WDR7: variants seen among roughly 807,000 people sequenced by gnomAD.
WDR7 encodes WD repeat-containing protein 7.
Under a neutral mutation model 169.4 loss-of-function variants are expected in WDR7, and 46 were observed. The ratio of observed to expected loss-of-function variants is 0.27; its 90% confidence interval spans 0.21 to 0.35. The LOEUF (loss-of-function observed/expected upper bound fraction) is 0.35. Ranked by LOEUF, WDR7 falls within the 10% of genes least tolerant of loss-of-function variation. WDR7 has a pLI of 1.00. For missense variants in WDR7, 1,534 were observed against 1,859.3 expected (o/e 0.83, Z 3.22); for synonymous variants, 612 against 666.8 (o/e 0.92, Z 1.27).
intron 20 of WDR7, among the ~76,000 whole-genome samples, chr18:56,847,338 G>C (rs1348258540): frequency 1.3e-5 from 2 of 152,144 alleles, no homozygotes; most frequent in Admixed American, 1.3e-4. Flanking sequence ...TGGCCTGGCT[G>C]CTTCTAACAG....
chr18:56,891,859 AT>A (rs1408864840), intron 21 of WDR7, among the ~76,000 whole-genome samples: 1 of 152,044 alleles, frequency 6.6e-6, no homozygotes, highest in Admixed American at 6.6e-5. Flanking sequence ...TATTTTTGTA[AT>A]TATTTATGTT....
chr18:56,884,321 A>G (rs1187389668), intron 21 of WDR7, among the ~76,000 whole-genome samples: 3 of 152,030 alleles, frequency 2.0e-5, no homozygotes, highest in Non-Finnish European at 2.9e-5. Context: ...AAAATTGTCT[A>G]TTCATGTCCT....
intron 20 of WDR7, among the ~76,000 whole-genome samples, chr18:56,838,816 ATTTT>A (rs1339636453): frequency 2.0e-5 from 3 of 152,110 alleles, no homozygotes; most frequent in African/African-American, 7.2e-5. Flanking sequence ...CATCAACATC[ATTTT>A]TAAGGGTTTG....
intron 26 of WDR7, among the ~76,000 whole-genome samples, chr18:56,991,143 ATTTTTT>A (rs60092817): frequency 4.5e-5 from 5 of 110,734 alleles, no homozygotes; most frequent in African/African-American, 1.9e-4. Context: ...CCTTCTCCTC[ATTTTTT>A]TTTTTTTTTT....
chr18:56,860,404 C>T (rs945748005), intron 20 of WDR7, among the ~76,000 whole-genome samples: 2 of 152,082 alleles, frequency 1.3e-5, no homozygotes, highest in African/African-American at 4.8e-5. Context: ...TTTTACCATC[C>T]TTAAATTTGA....
intron 26 of WDR7, among the ~76,000 whole-genome samples, chr18:56,992,955 T>A (rs1382002625): frequency 6.6e-6 from 1 of 152,196 alleles, no homozygotes; most frequent in African/African-American, 2.4e-5. Context: ...TAGATAATGA[T>A]CCTTGCTGAT....
rs1598968852 is a variant in WDR7, at chr18:56,696,528, G to A, written c.1578+66G>A. On this transcript the variant is annotated intron_variant, in intron 12 of 27. Coordinates refer to ENST00000254442, the MANE Select transcript of WDR7 (RefSeq NM_015285.3). ...GCCAAGTTATATTACTATCAGGAAT[G>A]TAAATGGAATCTAGACTAACTTAAA... The A allele has an allele frequency of 2.3e-6, 3 of 1,279,658 alleles. No homozygotes were observed. The East Asian group carries it at 7.0e-5, about 30-fold the overall frequency. 79.3% of individuals were successfully genotyped at this position (1,279,658 alleles called of 1,614,324 possible).
In WDR7 at chr18:56,756,967, G is replaced by C. The variant is rs142280347; in HGVS notation, c.2374G>C (p.Glu792Gln). 1.8e-4 allele frequency: 283 copies of C among 1,613,964 alleles called. No individual in the cohort carries two copies. The highest frequency in any genetic ancestry group is 2.2e-4 in the Non-Finnish European group (260 of 1,180,016). Residue 792 changes from glutamate (E) to glutamine (Q), a missense_variant, in exon 15 of 28, where the codon GAA becomes CAA. Glu to Gln is a conservative substitution (Grantham distance 29). Transcript: ENST00000254442. ...CAAATCAAAGCCATTGACCCTATTA[G>C]AATATAATTTAACTATGGACACTGC... Reference protein sequence around the residue: ...SSKSKPLTLLEYNLTMDTAKL... With the variant: ...SSKSKPLTLLQYNLTMDTAKL...
At chr18:56,830,676 A>AAGT (rs1427247146) in intron 20 of WDR7, among the ~76,000 whole-genome samples, 2 of 152,214 alleles carry the variant, frequency 1.3e-5, no homozygotes, top group African/African-American at 4.8e-5. Context: ...GCCCTTAAAC[A>AAGT]AGTGATCTTT....
chr18:56,917,450 G>A (rs115153421), intron 21 of WDR7, among the ~76,000 whole-genome samples: 404 of 152,262 alleles, frequency 2.7e-3, no homozygotes, highest in African/African-American at 9.1e-3. Context: ...TGTAGCGTGC[G>A]TTAATAAATT....
At chr18:56,797,646 G>C (rs1230385238) in intron 19 of WDR7, among the ~76,000 whole-genome samples, 1 of 151,996 alleles carries the variant, frequency 6.6e-6, no homozygotes, top group Non-Finnish European at 1.5e-5. Context: ...TCTGATTGGT[G>C]ATTATTCCTA....
chr18:56,767,948 G>A (rs918658240), intron 16 of WDR7, among the ~76,000 whole-genome samples: 3 of 152,092 alleles, frequency 2.0e-5, no homozygotes, highest in East Asian at 1.9e-4. Context: ...ATGGTGGGAC[G>A]ATTCAATATT....
In WDR7 at chr18:57,027,146, C is replaced by T; in HGVS notation, c.4412C>T (p.Thr1471Ile). The change falls in exon 28 of 28, where the codon ACT becomes ATT. Residue 1471 changes from threonine (T) to isoleucine (I), a missense_variant. Thr to Ile is a moderately conservative substitution (Grantham distance 89). Transcript: ENST00000254442. ...NALKLARLIW[T>I]SNRNVILMAH... Reference sequence around the variant, plus strand: ...CTCAAGCTGGCCCGGCTCATCTGGACTTCCAACCGCAACGTCATCCTCATG... The same window carrying T: ...CTCAAGCTGGCCCGGCTCATCTGGATTTCCAACCGCAACGTCATCCTCATG... 1 of 1,614,212 alleles carries T rather than the reference C, an allele frequency of 6.2e-7. No homozygotes were observed. The highest frequency in any genetic ancestry group is 8.5e-7 in the Non-Finnish European group (1 of 1,180,038).
At chr18:56,727,185 AATT>A (rs2026477037) in intron 13 of WDR7, among the ~76,000 whole-genome samples, 1 of 152,126 alleles carries the variant, frequency 6.6e-6, no homozygotes, top group Non-Finnish European at 1.5e-5. Flanking sequence ...TTTTTTTCCC[AATT>A]ATTTTACGTA....
chr18:56,720,226 C>T (rs1262619847), intron 13 of WDR7, among the ~76,000 whole-genome samples: 2 of 151,998 alleles, frequency 1.3e-5, no homozygotes, highest in African/African-American at 2.4e-5. Context: ...GGGAGTGGAT[C>T]GCTTGAGCCA....
chr18:56,709,062 A>C (rs967285870), intron 12 of WDR7, among the ~76,000 whole-genome samples: 2 of 152,266 alleles, frequency 1.3e-5, no homozygotes, highest in African/African-American at 4.8e-5. Context: ...TAATATTTTA[A>C]AGGCATGAAG....
At chr18:56,810,223 T>A (rs1273288700) in intron 19 of WDR7, among the ~76,000 whole-genome samples, 3 of 152,160 alleles carry the variant, frequency 2.0e-5, no homozygotes, top group Non-Finnish European at 4.4e-5. Context: ...ACCTATCAGA[T>A]TTTCCTTAAA....
Position 56,686,111 on chromosome 18 carries a change from C to A in WDR7, c.597+79C>A. On this transcript the variant is annotated intron_variant, in intron 6 of 27. Coordinates refer to ENST00000254442, the MANE Select transcript of WDR7 (RefSeq NM_015285.3). The stretch of plus-strand genomic sequence containing the variant: ...AATTTTAGTAATGATATGCCCCTTC[C>A]ATTTTTTTTAAGGGGGAAGGAAAAA... The A allele has an allele frequency of 2.5e-6, 3 of 1,182,194 alleles. 1 individual carries two copies. The highest frequency in any genetic ancestry group is 3.5e-6 in the Non-Finnish European group (3 of 851,572). 73.2% of individuals were successfully genotyped at this position (1,182,194 alleles called of 1,614,324 possible). A position where few individuals can be genotyped will look rare whatever the true frequency, so the allele number is the denominator to read the frequency against.
rs758845237 is a variant in WDR7, at chr18:57,027,405, G to T, written c.*198G>T. The stretch of plus-strand genomic sequence containing the variant: ...GTGCCATCTGTCGATTCAGAGGCAC[G>T]CACACATGCTCTGCAGGATGTGGCC... On this transcript the variant is annotated 3_prime_UTR_variant, in exon 28 of 28. Coordinates refer to ENST00000254442, the MANE Select transcript of WDR7 (RefSeq NM_015285.3). The T allele has an allele frequency of 1.1e-5, 7 of 642,744 alleles. No homozygotes were observed. The highest frequency in any genetic ancestry group is 1.6e-5 in the Non-Finnish European group (6 of 379,200). 39.8% of individuals were successfully genotyped at this position (642,744 alleles called of 1,614,324 possible). A position where few individuals can be genotyped will look rare whatever the true frequency, so the allele number is the denominator to read the frequency against.
Sources: gnomAD v4.1 joint callset for allele counts (sites outside exome capture counted in the v4.1 genomes callset) on GRCh38, gnomAD v4.1.1 for gene constraint, MANE v1.5 for transcripts, NCBI Gene and HGNC (gene_info 2026-07-23, HGNC 2026-07-21) for gene names.